JAZF1: variants seen among roughly 807,000 people sequenced by gnomAD.
The protein encoded by JAZF1 is JAZF zinc finger 1, also known as juxtaposed with another zinc finger protein 1.
JAZF1 carries 8 observed loss-of-function variants against 26.4 expected under a neutral mutation model. The ratio of observed to expected loss-of-function variants is 0.30; its 90% CI spans 0.18 to 0.55. The LOEUF (loss-of-function observed/expected upper bound fraction) is 0.55. JAZF1 is among the 20% of genes least tolerant of loss of function. JAZF1 has a pLI of 0.94. For missense variants in JAZF1, 199 were observed against 322.0 expected (o/e 0.62, Z 2.92); for synonymous variants, 126 against 122.3 (o/e 1.03, Z -0.20).
intron 1 of JAZF1, among the ~76,000 whole-genome samples, chr7:28,142,307 T>C (rs990708579): frequency 1.3e-5 from 2 of 152,126 alleles, no homozygotes; most frequent in Non-Finnish European, 2.9e-5. Flanking sequence ...AACAGACACA[T>C]ATGCACATGC....
chr7:27,847,260 G>T (rs1016465915), intron 3 of JAZF1, among the ~76,000 whole-genome samples: 2 of 151,698 alleles, frequency 1.3e-5, no homozygotes, highest in Admixed American at 1.3e-4. Flanking sequence ...ACAGTGCTGG[G>T]ATTACAGGCA....
intron 3 of JAZF1, among the ~76,000 whole-genome samples, chr7:27,851,222 C>T (rs1043860429): frequency 4.6e-5 from 7 of 152,166 alleles, no homozygotes; most frequent in East Asian, 3.9e-4. Flanking sequence ...GGATTACAGG[C>T]GTGAGCCACC....
At chr7:28,090,801 A>T (rs1342704176) in intron 1 of JAZF1, among the ~76,000 whole-genome samples, 32 of 147,118 alleles carry the variant, frequency 2.2e-4, no homozygotes, top group Admixed American at 4.7e-4. Flanking sequence ...TCTATTCCAC[A>T]GACTTTTTTT....
At chr7:28,077,105 G>A (rs1035033410) in intron 1 of JAZF1, among the ~76,000 whole-genome samples, 1 of 152,204 alleles carries the variant, frequency 6.6e-6, no homozygotes, top group Middle Eastern at 3.4e-3. Context: ...ACTTACATTG[G>A]AATCTAAGAA....
chr7:28,114,143 C>T (rs1050172383), intron 1 of JAZF1, among the ~76,000 whole-genome samples: 2 of 152,178 alleles, frequency 1.3e-5, no homozygotes, highest in African/African-American at 4.8e-5. Flanking sequence ...AGTTGGTAAC[C>T]GAAGTAAGAT....
At chr7:28,149,902 A>G (rs1159523483) in intron 1 of JAZF1, among the ~76,000 whole-genome samples, 1 of 152,204 alleles carries the variant, frequency 6.6e-6, no homozygotes, top group African/African-American at 2.4e-5. Context: ...GCTGATTGGA[A>G]AGTCCCTTCT....
At chr7:27,856,717 T>C (rs910931345) in intron 3 of JAZF1, among the ~76,000 whole-genome samples, 2 of 152,200 alleles carry the variant, frequency 1.3e-5, no homozygotes, top group African/African-American at 4.8e-5. Context: ...AGAGTGCTGA[T>C]TGGTGCATTT....
intron 4 of JAZF1, among the ~76,000 whole-genome samples, chr7:27,834,795 A>C (rs1460294638): frequency 6.6e-6 from 1 of 152,244 alleles, no homozygotes; most frequent in Non-Finnish European, 1.5e-5. Flanking sequence ...GAGCAACTGC[A>C]TGAGACCCCA....
chr7:27,997,646 G>A (rs1431857666), intron 1 of JAZF1, among the ~76,000 whole-genome samples: 2 of 152,150 alleles, frequency 1.3e-5, no homozygotes, highest in Non-Finnish European at 2.9e-5. Context: ...ATAGCTCACT[G>A]CAGCCTCAAA....
chr7:27,833,716 G>A (rs948358736), intron 4 of JAZF1, among the ~76,000 whole-genome samples: 7 of 152,180 alleles, frequency 4.6e-5, no homozygotes, highest in Admixed American at 3.3e-4. Context: ...CTTAGCATCT[G>A]GATACTAAAG....
chr7:28,012,295 T>A (rs1782811992), intron 1 of JAZF1, among the ~76,000 whole-genome samples: 1 of 152,244 alleles, frequency 6.6e-6, no homozygotes, highest in Non-Finnish European at 1.5e-5. Context: ...AGGTCGCTTC[T>A]ATTTCTGGCT....
At chr7:27,938,381 G>A (rs1327049962) in intron 2 of JAZF1, among the ~76,000 whole-genome samples, 1 of 152,206 alleles carries the variant, frequency 6.6e-6, no homozygotes, top group Non-Finnish European at 1.5e-5. Flanking sequence ...CTGTGTCTAT[G>A]TTACAATCCT....
intron 2 of JAZF1, among the ~76,000 whole-genome samples, chr7:27,897,041 C>T (rs1448430443): frequency 6.6e-6 from 1 of 152,136 alleles, no homozygotes; most frequent in East Asian, 1.9e-4. Flanking sequence ...TAAACCTCTA[C>T]TAAAAATACA....
At position 28,180,784 on chromosome 7, in the gene JAZF1, G is replaced by A. The variant is rs1177077385; in HGVS notation, c.-207C>T. 6.5e-6 allele frequency: 2 copies of A among 307,682 alleles called. No homozygotes were observed. The highest frequency in any genetic ancestry group is 5.8e-6 in the Non-Finnish European group (1 of 170,948). The allele number at this position is 307,682 out of a possible 1,614,324, so 19.1% of individuals were successfully genotyped here. A position where few individuals can be genotyped will look rare whatever the true frequency, so the allele number is the denominator to read the frequency against. On this transcript the variant is annotated 5_prime_UTR_variant, in exon 1 of 5. Coordinates refer to ENST00000283928, the MANE Select transcript of JAZF1 (RefSeq NM_175061.4). ...AGCCACCGGGAGGCAGAGGGGAGGC[G>A]GCGGCTGCGGCGGCGGCGTCGGGAG...
chr7:27,897,454 G>A (rs986261515), intron 2 of JAZF1, among the ~76,000 whole-genome samples: 2 of 152,306 alleles, frequency 1.3e-5, no homozygotes, highest in African/African-American at 2.4e-5. Flanking sequence ...AGGAATTAAC[G>A]TACGTCTTTT....
chr7:28,141,948 TAC>T (rs1334056820), intron 1 of JAZF1, among the ~76,000 whole-genome samples: 4 of 152,256 alleles, frequency 2.6e-5, no homozygotes, highest in African/African-American at 7.2e-5. Flanking sequence ...GAAAAAAGAC[TAC>T]AGTCAGAAAA....
chr7:28,105,380 G>T (rs112236698), intron 1 of JAZF1, among the ~76,000 whole-genome samples: 230 of 152,308 alleles, frequency 1.5e-3, no homozygotes, highest in Middle Eastern at 0.01. Flanking sequence ...GCAAAGCATT[G>T]TGACTCCTGG....
intron 3 of JAZF1, among the ~76,000 whole-genome samples, chr7:27,887,231 A>C (rs1037607531): frequency 2.0e-5 from 3 of 151,112 alleles, no homozygotes; most frequent in African/African-American, 7.2e-5. Flanking sequence ...CCATGACACA[A>C]GTTTACCTAT....
intron 1 of JAZF1, among the ~76,000 whole-genome samples, chr7:28,114,273 C>T (rs755741642): frequency 2.0e-4 from 31 of 152,132 alleles, no homozygotes; most frequent in Non-Finnish European, 4.0e-4. Context: ...CTTCTGCAAA[C>T]GCAGGCACCT....
Sources: gnomAD v4.1 joint callset for allele counts (sites outside exome capture counted in the v4.1 genomes callset) on GRCh38, gnomAD v4.1.1 for gene constraint, MANE v1.5 for transcripts, NCBI Gene and HGNC (gene_info 2026-07-23, HGNC 2026-07-21) for gene names.